The following ANO3 variants were observed in gnomAD, a reference collection of about 807,000 sequenced individuals.
The protein encoded by ANO3 is anoctamin-3.
Under a neutral mutation model 144.8 loss-of-function variants are expected in ANO3, and 99 were observed. The ratio of observed to expected loss-of-function variants is 0.68; its 90% CI spans 0.58 to 0.81. ANO3 has a LOEUF of 0.81. Among genes scored for constraint, ANO3 ranks in the 30% least tolerant of loss-of-function variants. ANO3 has a pLI of 0.00. For synonymous variants in ANO3, 414 were observed against 392.6 expected, an observed-to-expected ratio of 1.05 and a Z score of -0.64; for missense variants, 905 against 1,202.2, an observed-to-expected ratio of 0.75 and a Z score of 3.66.
At chr11:26,538,256 G>A (rs1849560166) in intron 10 of ANO3, among the ~76,000 whole-genome samples, 1 of 152,108 alleles carries the variant, frequency 6.6e-6, no homozygotes, top group Non-Finnish European at 1.5e-5. Context: ...ACTCTGTTTT[G>A]TATATAGGTA....
In ANO3 at chr11:26,525,661, G is replaced by A. The variant is rs770780762; in HGVS notation, c.719G>A (p.Arg240Lys). 7 of 1,609,872 alleles carry A rather than the reference G, an allele frequency of 4.3e-6. No individual in the cohort carries two copies. In the Admixed American group the frequency reaches 8.4e-5, roughly 19 times the overall value. ...AAAAAATGCTATTACACTGACGGGA[G>A]GAGCAAATCAATGGGCAGGTTGGTG... ...FRKKCYYTDGRSKSMGRMQTY... is the reference protein window; with the variant it reads ...FRKKCYYTDGKSKSMGRMQTY... The change falls in exon 7 of 27, where the codon AGG becomes AAG. Residue 240 changes from arginine to lysine, a missense_variant. Coordinates refer to ENST00000256737, the MANE Select transcript of ANO3 (RefSeq NM_031418.4).
At chr11:26,448,588 C>T (rs980699172) in intron 3 of ANO3, among the ~76,000 whole-genome samples, 15 of 152,154 alleles carry the variant, frequency 9.9e-5, no homozygotes, top group African/African-American at 3.4e-4. Flanking sequence ...AACTTTCATT[C>T]TATAGATAAT....
chr11:26,659,363 CT>C (rs34724600), intron 26 of ANO3, among the ~76,000 whole-genome samples: 12,221 of 146,180 alleles, frequency 0.084, 502 homozygotes, highest in Admixed American at 0.14. Flanking sequence ...TTTATTCCTG[CT>C]TTTTTTTTTT....
intron 1 of ANO3, among the ~76,000 whole-genome samples, chr11:26,194,802 G>A (rs1489322181): frequency 1.3e-5 from 2 of 152,048 alleles, no homozygotes; most frequent in Non-Finnish European, 1.5e-5. Context: ...CTGACCTCAG[G>A]TGATCCACTA....
intron 1 of ANO3, among the ~76,000 whole-genome samples, chr11:26,349,320 G>A (rs1855574359): frequency 6.6e-6 from 1 of 152,044 alleles, no homozygotes; most frequent in African/African-American, 2.4e-5. Context: ...GTAAAAACAG[G>A]TAATTTAAAG....
At chr11:26,534,383 T>C in intron 8 of ANO3, 73 bp from the exon 9 acceptor site, 1 of 988,740 alleles carries the variant, frequency 1.0e-6, no homozygotes, top group Non-Finnish European at 1.6e-6. Flanking sequence ...GCATTAGCTT[T>C]AATGGAACTT....
intron 1 of ANO3, among the ~76,000 whole-genome samples, chr11:26,323,793 A>G (rs1343440597): frequency 6.6e-6 from 1 of 152,204 alleles, no homozygotes; most frequent in Non-Finnish European, 1.5e-5. Flanking sequence ...ATCAATCCAA[A>G]GCTTTCAACA....
intron 1 of ANO3, among the ~76,000 whole-genome samples, chr11:26,356,061 T>G (rs1362497716): frequency 6.6e-6 from 1 of 152,184 alleles, no homozygotes; most frequent in Admixed American, 6.5e-5. Flanking sequence ...AAGTAAATGT[T>G]AGAATTCATG....
intron 1 of ANO3, among the ~76,000 whole-genome samples, chr11:26,345,232 T>C (rs12280368): frequency 0.36 from 55,316 of 151,996 alleles, 10,251 homozygotes; most frequent in Non-Finnish European, 0.38. Flanking sequence ...GCTTTGAAAT[T>C]ATCAGATATC....
chr11:26,452,523 T>C (rs868031548), intron 3 of ANO3, among the ~76,000 whole-genome samples: 2 of 151,650 alleles, frequency 1.3e-5, no homozygotes, highest in South Asian at 4.2e-4. Context: ...GAAGGGAAGT[T>C]TAGAGAAAAA....
chr11:26,649,111 T>C (rs957939755), intron 24 of ANO3, among the ~76,000 whole-genome samples: 1 of 152,204 alleles, frequency 6.6e-6, no homozygotes, highest in African/African-American at 2.4e-5. Context: ...ATAAATTGTC[T>C]ACTTTATTTT....
At chr11:26,191,380 C>T (rs1284779955) in intron 1 of ANO3, among the ~76,000 whole-genome samples, 1 of 151,920 alleles carries the variant, frequency 6.6e-6, no homozygotes, top group Non-Finnish European at 1.5e-5. Flanking sequence ...ATTTGACTCA[C>T]TGACTGACTG....
chr11:26,433,654 A>T (rs529926887), intron 1 of ANO3, among the ~76,000 whole-genome samples: 28 of 152,014 alleles, frequency 1.8e-4, no homozygotes, highest in South Asian at 1.0e-3. Flanking sequence ...GAGATAATTT[A>T]AAAAAATGTG....
chr11:26,244,409 T>G (rs1218595649), intron 1 of ANO3, among the ~76,000 whole-genome samples: 2 of 152,194 alleles, frequency 1.3e-5, no homozygotes, highest in Non-Finnish European at 2.9e-5. Context: ...TAGCTACAAT[T>G]TCATAATATG....
chr11:26,625,915 T>C (rs1852569127), intron 18 of ANO3, among the ~76,000 whole-genome samples: 2 of 152,230 alleles, frequency 1.3e-5, no homozygotes, highest in African/African-American at 4.8e-5. Context: ...GTAAGTAAGT[T>C]TCTTAAAACT....
chr11:26,661,216 A>G lies in ANO3; in HGVS notation c.*772A>G, dbSNP rs552490861. The G allele has an allele frequency of 2.0e-5, 3 of 152,732 alleles. No homozygotes were observed. In the South Asian group the frequency reaches 6.2e-4, roughly 32 times the overall value. The allele number at this position is 152,732 out of a possible 1,614,324, so 9.5% of individuals were successfully genotyped here. A position where few individuals can be genotyped will look rare whatever the true frequency, so the allele number is the denominator to read the frequency against. ...CAATAAAGCCACATACTTATAAACT[A>G]TGAATGGCTATTCTTATATAGTTTA... is the stretch of plus-strand genomic sequence containing the variant. On this transcript the variant is annotated 3_prime_UTR_variant, in exon 27 of 27. Transcript: ENST00000256737.
At chr11:26,646,139 T>A (rs563015519) in intron 23 of ANO3, among the ~76,000 whole-genome samples, 9 of 152,154 alleles carry the variant, frequency 5.9e-5, no homozygotes, top group Non-Finnish European at 1.2e-4. Context: ...CATAGAAATA[T>A]ACAAAAAATA....
At position 26,408,311 on chromosome 11, in the gene ANO3, G is replaced by A. The variant is rs986364310; in HGVS notation, c.47-33607G>A. Among the ~76,000 whole-genome samples, 40 of 151,292 alleles carry A rather than the reference G, an allele frequency of 2.6e-4. 1 individual carries two copies. Among genetic ancestry groups the A allele is most frequent in the South Asian group, 8.4e-4 (4 of 4,782 alleles). ...CAAACAACCCCATCAAAAAGTGGGC[G>A]AAGGATATGAACAGACACTTCTCAA... On this transcript the variant is annotated intron_variant, in intron 1 of 26. Transcript: ENST00000256737.
chr11:26,322,987 A>G (rs1590259688), intron 1 of ANO3, among the ~76,000 whole-genome samples: 1 of 152,208 alleles, frequency 6.6e-6, no homozygotes, highest in Non-Finnish European at 1.5e-5. Context: ...ACTTTAGGTT[A>G]TAATACAATA....
Sources: gnomAD v4.1 joint callset for allele counts (sites outside exome capture counted in the v4.1 genomes callset) on GRCh38, gnomAD v4.1.1 for gene constraint, MANE v1.5 for transcripts, NCBI Gene and HGNC (gene_info 2026-07-23, HGNC 2026-07-21) for gene names.